The following SGCZ variants were observed in gnomAD, a reference collection of about 807,000 sequenced individuals.
SGCZ encodes sarcoglycan zeta.
SGCZ carries 40 observed loss-of-function variants against 41.3 expected under a neutral mutation model. The observed-to-expected ratio is 0.97, with a 90% confidence interval of 0.75 to 1.26. The LOEUF (loss-of-function observed/expected upper bound fraction) is 1.26, where lower values mean the gene tolerates loss of function less well. SGCZ is among the 50% of genes most tolerant of loss of function. The pLI is 0.00. For synonymous variants in SGCZ, 206 were observed against 137.5 expected (o/e 1.50, Z -3.49); for missense variants, 552 against 369.8 (o/e 1.49, Z -4.04).
At chr8:14,245,543 T>A (rs1799055768) in intron 3 of SGCZ, among the ~76,000 whole-genome samples, 1 of 152,174 alleles carries the variant, frequency 6.6e-6, no homozygotes, top group South Asian at 2.1e-4. Context: ...TGGCAAGGAC[T>A]TCATGTCTAA....
chr8:14,452,213 A>C (rs568459429), intron 2 of SGCZ, among the ~76,000 whole-genome samples: 23 of 152,326 alleles, frequency 1.5e-4, no homozygotes, highest in Non-Finnish European at 2.6e-4. Context: ...AATCTGACAA[A>C]GATTACATAC....
At chr8:14,500,494 C>T (rs977524371) in intron 2 of SGCZ, among the ~76,000 whole-genome samples, 1 of 151,308 alleles carries the variant, frequency 6.6e-6, no homozygotes, top group Non-Finnish European at 1.5e-5. Context: ...GGAAGAAAAA[C>T]ATTTTAAGTA....
chr8:14,641,480 A>G (rs373385418), intron 1 of SGCZ, among the ~76,000 whole-genome samples: 62 of 151,820 alleles, frequency 4.1e-4, no homozygotes, highest in African/African-American at 1.3e-3. Context: ...CTAGGACGCT[A>G]CAAGTCTCCT....
chr8:14,096,436 T>C (rs1326530305), intron 7 of SGCZ, among the ~76,000 whole-genome samples: 24 of 152,198 alleles, frequency 1.6e-4, no homozygotes, highest in Admixed American at 1.6e-3. Context: ...GAACCAGCCT[T>C]GCATCCCAGG....
chr8:14,853,390 C>T (rs767997582), intron 1 of SGCZ: 66 of 515,924 alleles, frequency 1.3e-4, no homozygotes, highest in Non-Finnish European at 2.1e-4. Context: ...TTGGGACCTA[C>T]GCTGGATGGA....
intron 1 of SGCZ, among the ~76,000 whole-genome samples, chr8:14,660,291 G>T (rs1807705661): frequency 6.6e-6 from 1 of 152,118 alleles, no homozygotes; most frequent in Non-Finnish European, 1.5e-5. Flanking sequence ...CTGCAGTAAG[G>T]CTGGGCACAG....
chr8:14,280,139 CTG>C (rs370262373), intron 3 of SGCZ, among the ~76,000 whole-genome samples: 62 of 151,926 alleles, frequency 4.1e-4, no homozygotes, highest in Admixed American at 4.6e-4. Context: ...AAGCAGAAAA[CTG>C]TATACAGAAT....
chr8:14,332,212 G>A (rs887009485), intron 2 of SGCZ, among the ~76,000 whole-genome samples: 3 of 152,076 alleles, frequency 2.0e-5, no homozygotes, highest in African/African-American at 7.2e-5. Context: ...GAAGCGGGCG[G>A]ATCACGAGTT....
intron 4 of SGCZ, among the ~76,000 whole-genome samples, chr8:14,221,534 G>T (rs1410083699): frequency 6.6e-6 from 1 of 152,158 alleles, no homozygotes; most frequent in Non-Finnish European, 1.5e-5. Context: ...CTTACATATT[G>T]CAGTTTCGAC....
intron 1 of SGCZ, among the ~76,000 whole-genome samples, chr8:15,159,563 C>G (rs1186276012): frequency 2.0e-5 from 3 of 152,160 alleles, no homozygotes; most frequent in Non-Finnish European, 4.4e-5. Context: ...GGATATGCAG[C>G]TTGTGTCCAC....
intron 1 of SGCZ, among the ~76,000 whole-genome samples, chr8:14,674,208 T>A (rs1439848301): frequency 6.6e-6 from 1 of 152,074 alleles, no homozygotes; most frequent in African/African-American, 2.4e-5. Flanking sequence ...TTTTTCTTGT[T>A]TTTTTTTCTA....
chr8:15,025,695 A>T (rs540458143), intron 1 of SGCZ, among the ~76,000 whole-genome samples: 1 of 152,310 alleles, frequency 6.6e-6, no homozygotes, highest in African/African-American at 2.4e-5. Context: ...AAAATATATT[A>T]TCATGGGTAT....
At position 14,858,893 on chromosome 8, in the gene SGCZ, C is replaced by T. The variant is rs60536267; in HGVS notation, c.40-303967G>A. On this transcript the variant is annotated intron_variant, in intron 1 of 7. Coordinates refer to ENST00000382080, the MANE Select transcript of SGCZ (RefSeq NM_139167.4). Reference sequence around the variant, plus strand: ...CTAATAGTGGTAGGTGCAAATTTACCAAAATTCTAATTTTTACATGAAAGC... The same window carrying T: ...CTAATAGTGGTAGGTGCAAATTTACTAAAATTCTAATTTTTACATGAAAGC... Among the ~76,000 whole-genome samples the T allele has an allele frequency of 2.8e-3, 428 of 151,988 alleles. 1 individual carries two copies. The highest frequency in any genetic ancestry group is 9.9e-3 in the African/African-American group (411 of 41,452).
At chr8:14,854,049 A>ATC (rs1563317006) in intron 1 of SGCZ, among the ~76,000 whole-genome samples, 2 of 132,220 alleles carry the variant, frequency 1.5e-5, no homozygotes, top group South Asian at 2.4e-4. Flanking sequence ...ATATATATAT[A>ATC]TATATATCCT....
chr8:14,681,206 T>C (rs1357783140), intron 1 of SGCZ, among the ~76,000 whole-genome samples: 1 of 152,050 alleles, frequency 6.6e-6, no homozygotes, highest in Non-Finnish European at 1.5e-5. Context: ...AAATCCATGA[T>C]TATGAGTCTT....
At chr8:14,507,234 C>A (rs997904487) in intron 2 of SGCZ, among the ~76,000 whole-genome samples, 3 of 150,004 alleles carry the variant, frequency 2.0e-5, no homozygotes, top group Admixed American at 6.6e-5. Context: ...GCCATTCGCA[C>A]CAGCACTGCT....
intron 2 of SGCZ, among the ~76,000 whole-genome samples, chr8:14,458,574 T>C (rs1361647850): frequency 2.6e-5 from 4 of 152,200 alleles, no homozygotes; most frequent in Non-Finnish European, 5.9e-5. Flanking sequence ...GTTGTCAGTA[T>C]GGACTCTTGG....
At chr8:14,243,071 T>C (rs996691109) in intron 3 of SGCZ, among the ~76,000 whole-genome samples, 2 of 152,156 alleles carry the variant, frequency 1.3e-5, no homozygotes, top group Non-Finnish European at 1.5e-5. Context: ...CTCCTCAGAT[T>C]CCAAATGAGG....
intron 2 of SGCZ, among the ~76,000 whole-genome samples, chr8:14,333,558 C>A (rs944144998): frequency 2.6e-5 from 4 of 151,734 alleles, no homozygotes; most frequent in African/African-American, 4.8e-5. Flanking sequence ...ATTTAGAAAA[C>A]CATTGCATGA....
Sources: allele counts gnomAD v4.1 joint callset (sites outside exome capture counted in the v4.1 genomes callset), GRCh38; gene constraint gnomAD v4.1.1; transcripts MANE v1.5; gene names NCBI Gene and HGNC (gene_info 2026-07-23, HGNC 2026-07-21).